The following MAFA variants were observed in gnomAD, a reference collection of about 807,000 sequenced individuals.
MAFA encodes transcription factor MafA.
For synonymous variants in MAFA, 244 were observed against 260.3 expected (o/e 0.94, Z 0.60); for missense variants, 547 against 538.0 (o/e 1.02, Z -0.16).
rs758296852 is a variant in MAFA, at chr8:143,430,028, T to A, written c.379A>T (p.Asn127Tyr). 1.6e-4 allele frequency: 223 copies of A among 1,375,674 alleles called. No individual in the cohort carries two copies. Among genetic ancestry groups the A allele is most frequent in the Non-Finnish European group, 2.1e-4 (220 of 1,054,588 alleles). 85.2% of individuals were successfully genotyped at this position (1,375,674 alleles called of 1,614,324 possible). Residue 127 changes from asparagine (N) to tyrosine (Y), a missense_variant, in exon 1 of 1, where the codon AAC becomes TAC. Asn to Tyr is a moderately radical substitution (Grantham distance 143). Coordinates refer to ENST00000333480, the MANE Select transcript of MAFA (RefSeq NM_201589.4). ...YWMSGYQHHL[N>Y]PEALNLTPED... ...GGCGTCAGGTTGAGCGCCTCGGGGTTGAGGTGATGCTGGTAGCCGCTCATC... is the reference window on the plus strand; with the variant it reads ...GGCGTCAGGTTGAGCGCCTCGGGGTAGAGGTGATGCTGGTAGCCGCTCATC...
chr8:143,429,190 C>T lies in MAFA; in HGVS notation c.*155G>A, dbSNP rs1017865902. 2.1e-6 allele frequency: 2 copies of T among 969,856 alleles called. No homozygotes were observed. The highest frequency in any genetic ancestry group is 2.6e-6 in the Non-Finnish European group (2 of 757,802). The allele number at this position is 969,856 out of a possible 1,614,324, so 60.1% of individuals were successfully genotyped here. On this transcript the variant is annotated 3_prime_UTR_variant, in exon 1 of 1. Transcript: ENST00000333480. This position sits in a 1 kb window ranked among gnomAD's most constrained non-coding sequence, Gnocchi z 5.9. ...CGAACGGGGACCGGGAGCGAAGGGG[C>T]CTCCAGCCCCGCGCCCGCAGACTTG...
Position 143,429,495 on chromosome 8 carries a change from G to C in MAFA, c.912C>G (p.Ala304=). Residue 304 remains alanine (A), a synonymous_variant, in exon 1 of 1, where the codon GCC becomes GCG. Coordinates refer to ENST00000333480, the MANE Select transcript of MAFA (RefSeq NM_201589.4). The surrounding 1 kb of genome is among the most constrained non-coding windows in gnomAD (Gnocchi z 5.9). The part of the protein sequence containing the change: ...EQLKLEVGRL[A]KERDLYKEKY... ...TCTCCTTGTACAGGTCCCGCTCTTTGGCCAGGCGCCCCACCTCCAGCTTCA... is the reference window on the plus strand; with the variant it reads ...TCTCCTTGTACAGGTCCCGCTCTTTCGCCAGGCGCCCCACCTCCAGCTTCA... The C allele has an allele frequency of 6.2e-7, 1 of 1,604,844 alleles. No homozygotes were observed. The highest frequency in any genetic ancestry group is 8.5e-7 in the Non-Finnish European group (1 of 1,179,340).
Position 143,430,103 on chromosome 8 carries a change from CGGGGCCCCCGCTCGGCGGCCCG to C in MAFA, c.282_303del (p.Gly95AlafsTer18), listed in dbSNP as rs1819517527. On this transcript the variant is annotated frameshift_variant, in exon 1 of 1. Coordinates refer to ENST00000333480, the MANE Select transcript of MAFA (RefSeq NM_201589.4). LOFTEE classifies it low-confidence loss of function (END_TRUNC). ...TTCCCCGAGGTGCCCCCGACGGCGC[CGGGGCCCCCGCTCGGCGGCCCG>C]GGGGCGCCCCCGGCCTGAGACGAGC... 2 of 1,150,044 alleles carry C rather than the reference CGGGGCCCCCGCTCGGCGGCCCG, an allele frequency of 1.7e-6. No homozygotes were observed. Among genetic ancestry groups the C allele is most frequent in the African/African-American group, 1.7e-5 (1 of 59,084 alleles). 71.2% of individuals were successfully genotyped at this position (1,150,044 alleles called of 1,614,324 possible).
In MAFA at chr8:143,430,062, A is replaced by G; in HGVS notation, c.345T>C (p.Asp115=). 7.8e-7 allele frequency: 1 copy of G among 1,281,366 alleles called. No individual in the cohort carries two copies. The allele number at this position is 1,281,366 out of a possible 1,614,324, so 79.4% of individuals were successfully genotyped here. A position where few individuals can be genotyped will look rare whatever the true frequency, so the allele number is the denominator to read the frequency against. The change falls in exon 1 of 1, where the codon GAT becomes GAC. Residue 115 remains aspartate, a synonymous_variant. Transcript: ENST00000333480. ...GGTSGKPALE[D]LYWMSGYQHH... ...GCTGGTAGCCGCTCATCCAGTACAG[A>G]TCCTCCAGCGCCGGCTTCCCCGAGG...
Position 143,428,445 on chromosome 8 carries a change from A to AG in MAFA, c.*899dup, listed in dbSNP as rs1164014692. On this transcript the variant is annotated 3_prime_UTR_variant, in exon 1 of 1. Transcript: ENST00000333480. Reference sequence around the variant, plus strand: ...CCCCATGCCAGAAGGCTCTGGCCCAAGCCTCCTCTTAAAAAAAAAAATTTT... The same window carrying AG: ...CCCCATGCCAGAAGGCTCTGGCCCAAGGCCTCCTCTTAAAAAAAAAAATTTT... 6.6e-6 allele frequency: 1 copy of AG among 152,256 alleles called. No homozygotes were observed. Among genetic ancestry groups the AG allele is most frequent in the Non-Finnish European group, 1.5e-5 (1 of 68,048 alleles). The allele number at this position is 152,256 out of a possible 1,614,324, so 9.4% of individuals were successfully genotyped here. A position where few individuals can be genotyped will look rare whatever the true frequency, so the allele number is the denominator to read the frequency against.
chr8:143,429,199 C>T lies in MAFA; in HGVS notation c.*146G>A, dbSNP rs1165569094. On this transcript the variant is annotated 3_prime_UTR_variant, in exon 1 of 1. Coordinates refer to ENST00000333480, the MANE Select transcript of MAFA (RefSeq NM_201589.4). This position sits in a 1 kb window ranked among gnomAD's most constrained non-coding sequence, Gnocchi z 5.9. ...ACCGGGAGCGAAGGGGCCTCCAGCC[C>T]CGCGCCCGCAGACTTGGCACCGGGG... 2.7e-5 allele frequency: 29 copies of T among 1,087,038 alleles called. No individual in the cohort carries two copies. Among genetic ancestry groups the T allele is most frequent in the Non-Finnish European group, 3.4e-5 (29 of 864,072 alleles). 67.3% of individuals were successfully genotyped at this position (1,087,038 alleles called of 1,614,324 possible).
chr8:143,430,259 G>GC lies in MAFA; in HGVS notation c.147dup (p.Leu50AlafsTer387). The GC allele has an allele frequency of 1.4e-6, 2 of 1,442,724 alleles. No individual in the cohort carries two copies. 89.4% of individuals were successfully genotyped at this position (1,442,724 alleles called of 1,614,324 possible). A position where few individuals can be genotyped will look rare whatever the true frequency, so the allele number is the denominator to read the frequency against. On this transcript the variant is annotated frameshift_variant, in exon 1 of 1. Transcript: ENST00000333480. LOFTEE classifies it low-confidence loss of function (END_TRUNC). ...GGCGTGCTGAGCGGCGTCGAGGACA[G>GC]CGAGCCTGGCGGCAGGCGGTGGCAG...
rs1819513899 is a variant in MAFA, at chr8:143,429,900, C to T, written c.507G>A (p.Pro169=). 6.2e-6 allele frequency: 8 copies of T among 1,296,370 alleles called. No homozygotes were observed. The highest frequency in any genetic ancestry group is 7.8e-6 in the Non-Finnish European group (8 of 1,030,488). The allele number at this position is 1,296,370 out of a possible 1,614,324, so 80.3% of individuals were successfully genotyped here. A position where few individuals can be genotyped will look rare whatever the true frequency, so the allele number is the denominator to read the frequency against. Residue 169 remains proline, a synonymous_variant, in exon 1 of 1, where the codon CCG becomes CCA. Coordinates refer to ENST00000333480, the MANE Select transcript of MAFA (RefSeq NM_201589.4). This position sits in a 1 kb window ranked among gnomAD's most constrained non-coding sequence, Gnocchi z 5.9. ...AAAAYEAFRG[P]GFAGGGGADD... The stretch of plus-strand genomic sequence containing the variant: ...CCGCTCCGCCGCCGCCCGCGAAGCC[C>T]GGGCCGCGGAAAGCCTCGTAGGCTG...
rs1238142044 is a variant in MAFA, at chr8:143,430,246, G to A, written c.161C>T (p.Pro54Leu). 2 of 1,426,214 alleles carry A rather than the reference G, an allele frequency of 1.4e-6. No homozygotes were observed. Among genetic ancestry groups the A allele is most frequent in the Non-Finnish European group, 1.9e-6 (2 of 1,075,804 alleles). 88.3% of individuals were successfully genotyped at this position (1,426,214 alleles called of 1,614,324 possible). ...RLPPGSLSST[P>L]LSTPCSSVPS... is the part of the protein sequence containing the mutation. ...CACGGAGGAGCAGGGCGTGCTGAGC[G>A]GCGTCGAGGACAGCGAGCCTGGCGG... is the stretch of plus-strand genomic sequence containing the variant. Residue 54 changes from proline (P) to leucine (L), a missense_variant, in exon 1 of 1, where the codon CCG becomes CTG. By Grantham distance (98) the Pro-to-Leu change is moderately conservative (BLOSUM62 -3). Coordinates refer to ENST00000333480, the MANE Select transcript of MAFA (RefSeq NM_201589.4).
chr8:143,430,300 G>C lies in MAFA; in HGVS notation c.107C>G (p.Pro36Arg). The change falls in exon 1 of 1, where the codon CCC (proline) becomes CGC (arginine). Residue 36 changes from proline (P) to arginine (R), a missense_variant. By Grantham distance (103) the Pro-to-Arg change is moderately radical (BLOSUM62 -2). Coordinates refer to ENST00000333480, the MANE Select transcript of MAFA (RefSeq NM_201589.4). ...LMKFEVKKEP[P>R]EAERFCHRLP... ...GCGGTGGCAGAAGCGCTCGGCCTCG[G>C]GAGGCTCCTTCTTCACCTCGAACTT... 6.9e-7 allele frequency: 1 copy of C among 1,450,586 alleles called. No homozygotes were observed. Among genetic ancestry groups the C allele is most frequent in the East Asian group, 3.1e-5 (1 of 31,838 alleles). The allele number at this position is 1,450,586 out of a possible 1,614,324, so 89.9% of individuals were successfully genotyped here. A position where few individuals can be genotyped will look rare whatever the true frequency, so the allele number is the denominator to read the frequency against.
Position 143,429,730 on chromosome 8 carries a change from C to A in MAFA, c.677G>T (p.Arg226Leu). 1 of 1,551,542 alleles carries A rather than the reference C, an allele frequency of 6.4e-7. No individual in the cohort carries two copies. Among genetic ancestry groups the A allele is most frequent in the Admixed American group, 1.9e-5 (1 of 53,716 alleles). The change falls in exon 1 of 1, where the codon CGC (arginine) becomes CTC (leucine). Residue 226 changes from arginine to leucine, a missense_variant. By Grantham distance (102) the Arg-to-Leu change is moderately radical. Transcript: ENST00000333480. The surrounding 1 kb of genome is among the most constrained non-coding windows in gnomAD (Gnocchi z 5.9). Reference protein sequence around the residue: ...GAGHHVRLEERFSDDQLVSMS... With the variant: ...GAGHHVRLEELFSDDQLVSMS... ...GGACACCAGCTGGTCGTCGGAGAAG[C>A]GCTCCTCCAGGCGCACGTGGTGGCC...
rs538471567 is a variant in MAFA at position 143,430,639 on chromosome 8, TCGCCGCCTCCTCCCCGCGGC to T, written c.-253_-234del. Among the ~76,000 whole-genome samples the T allele has an allele frequency of 6.2e-4, 90 of 144,284 alleles. No homozygotes were observed. Among genetic ancestry groups the T allele is most frequent in the African/African-American group, 2.1e-3 (86 of 40,236 alleles). The allele number at this position is 144,284 out of a possible 152,430, so 94.7% of individuals were successfully genotyped here. A position where few individuals can be genotyped will look rare whatever the true frequency, so the allele number is the denominator to read the frequency against. On this transcript the variant is annotated 5_prime_UTR_variant, in exon 1 of 1. Coordinates refer to ENST00000333480, the MANE Select transcript of MAFA (RefSeq NM_201589.4). ...TGTCTCGGGCGACCCCGGGCCCGCG[TCGCCGCCTCCTCCCCGCGGC>T]CGCCGCCTCGGGCTGCTCCGGGACC...
rs1327224700 is a variant in MAFA, at chr8:143,429,185, AG to A, written c.*159del. On this transcript the variant is annotated 3_prime_UTR_variant, in exon 1 of 1. Transcript: ENST00000333480. The surrounding 1 kb of genome is among the most constrained non-coding windows in gnomAD (Gnocchi z 5.9). ...GCGCGCGAACGGGGACCGGGAGCGA[AG>A]GGGCCTCCAGCCCCGCGCCCGCAGA... is the stretch of plus-strand genomic sequence containing the variant. 7.8e-6 allele frequency: 7 copies of A among 896,968 alleles called. No individual in the cohort carries two copies. The highest frequency in any genetic ancestry group is 1.0e-5 in the Non-Finnish European group (7 of 691,980). 55.6% of individuals were successfully genotyped at this position (896,968 alleles called of 1,614,324 possible).
rs1410450045 is a variant in MAFA, at chr8:143,430,691, G to A, written c.-285C>T. On this transcript the variant is annotated 5_prime_UTR_variant, in exon 1 of 1. Transcript: ENST00000333480. ...CTCGGGCTGCTCCGGGACCGCTCCC[G>A]CGCCCCACCCGCGCCGCCGGCCGGC... is the stretch of plus-strand genomic sequence containing the variant. Among the ~76,000 whole-genome samples the A allele has an allele frequency of 1.4e-5, 2 of 146,960 alleles. No individual in the cohort carries two copies. Among genetic ancestry groups the A allele is most frequent in the South Asian group, 2.2e-4 (1 of 4,548 alleles).
In MAFA at chr8:143,429,646, C is replaced by T; in HGVS notation, c.761G>A (p.Arg254Gln). The T allele has an allele frequency of 6.3e-7, 1 of 1,588,544 alleles. No individual in the cohort carries two copies. The change falls in exon 1 of 1, where the codon CGG becomes CAG. Residue 254 changes from arginine to glutamine, a missense_variant. Physicochemically the swap from Arg to Gln is conservative, Grantham distance 43. Coordinates refer to ENST00000333480, the MANE Select transcript of MAFA (RefSeq NM_201589.4). This position sits in a 1 kb window ranked among gnomAD's most constrained non-coding sequence, Gnocchi z 5.9. ...GAGCGTGCGCCGCTTCTGCTTGAGCCGGATGACCTCCTCCTTGCTGAAGCC... is the reference window on the plus strand; with the variant it reads ...GAGCGTGCGCCGCTTCTGCTTGAGCTGGATGACCTCCTCCTTGCTGAAGCC... ...LRGFSKEEVIRLKQKRRTLKN... is the reference protein window; with the variant it reads ...LRGFSKEEVIQLKQKRRTLKN...
chr8:143,430,286 A>C lies in MAFA; in HGVS notation c.121T>G (p.Phe41Val). 4 of 1,449,276 alleles carry C rather than the reference A, an allele frequency of 2.8e-6. No homozygotes were observed. In the South Asian group the frequency reaches 5.0e-5, roughly 18 times the overall value. 89.8% of individuals were successfully genotyped at this position (1,449,276 alleles called of 1,614,324 possible). The change falls in exon 1 of 1, where the codon TTC becomes GTC. Residue 41 changes from phenylalanine (F) to valine (V), a missense_variant. Transcript: ENST00000333480. ...GAGCCTGGCGGCAGGCGGTGGCAGA[A>C]GCGCTCGGCCTCGGGAGGCTCCTTC... The part of the protein sequence containing the change: ...VKKEPPEAER[F>V]CHRLPPGSLS...
chr8:143,429,704 T>C lies in MAFA; in HGVS notation c.703A>G (p.Met235Val), dbSNP rs1218028835. 1 of 1,567,548 alleles carries C rather than the reference T, an allele frequency of 6.4e-7. No individual in the cohort carries two copies. Among genetic ancestry groups the C allele is most frequent in the Admixed American group, 1.8e-5 (1 of 55,906 alleles). Residue 235 changes from methionine to valine, a missense_variant, in exon 1 of 1, where the codon ATG (methionine) becomes GTG (valine). Met to Val is a conservative substitution (Grantham distance 21, BLOSUM62 1). Transcript: ENST00000333480. The surrounding 1 kb of genome is among the most constrained non-coding windows in gnomAD (Gnocchi z 5.9). ...ERFSDDQLVS[M>V]SVRELNRQLR... ...TGCCGGTTCAGCTCGCGCACCGACA[T>C]GGACACCAGCTGGTCGTCGGAGAAG... is the stretch of plus-strand genomic sequence containing the variant.
At position 143,428,326 on chromosome 8, in the gene MAFA, C is replaced by G. The variant is rs991558643; in HGVS notation, c.*1019G>C. ...GCACCCGCCTCCTCGCCCTCTCTCC[C>G]GGCTAGTCCAAAGAGCGACGAAGCA... is the stretch of plus-strand genomic sequence containing the variant. On this transcript the variant is annotated 3_prime_UTR_variant, in exon 1 of 1. Coordinates refer to ENST00000333480, the MANE Select transcript of MAFA (RefSeq NM_201589.4). The G allele has an allele frequency of 1.3e-5, 2 of 152,198 alleles. No homozygotes were observed. Among genetic ancestry groups the G allele is most frequent in the East Asian group, 1.9e-4 (1 of 5,192 alleles). The allele number at this position is 152,198 out of a possible 1,614,324, so 9.4% of individuals were successfully genotyped here.
rs781504738 is a variant in MAFA, at chr8:143,429,340, G to A, written c.*5C>T. On this transcript the variant is annotated 3_prime_UTR_variant, in exon 1 of 1. Transcript: ENST00000333480. The surrounding 1 kb of genome is among the most constrained non-coding windows in gnomAD (Gnocchi z 5.9). ...CGACGGCGGCGCGGGCTCGGGGTCC[G>A]GCGCCTACAGGAAGAAGTCGGCCGT... is the stretch of plus-strand genomic sequence containing the variant. 20 of 1,347,264 alleles carry A rather than the reference G, an allele frequency of 1.5e-5. No individual in the cohort carries two copies. In the Middle Eastern group the frequency reaches 8.3e-4, roughly 56 times the overall value. 83.5% of individuals were successfully genotyped at this position (1,347,264 alleles called of 1,614,324 possible).
Sources: allele counts gnomAD v4.1 joint callset (sites outside exome capture counted in the v4.1 genomes callset), GRCh38; gene constraint gnomAD v4.1.1; non-coding constraint Gnocchi (gnomAD v3.1); transcripts MANE v1.5; gene names NCBI Gene and HGNC (gene_info 2026-07-23, HGNC 2026-07-21).